The following DCDC1 variants were observed in gnomAD, a reference collection of about 807,000 sequenced individuals.
DCDC1 encodes doublecortin domain-containing protein 1.
Under a neutral mutation model 178.3 loss-of-function variants are expected in DCDC1, and 200 were observed. The ratio of observed to expected loss-of-function variants is 1.12; its 90% CI spans 1.00 to 1.26. The LOEUF (loss-of-function observed/expected upper bound fraction) is 1.26. Among genes scored for constraint, DCDC1 ranks in the 50% most tolerant of loss-of-function variants. DCDC1 has a pLI of 0.00. For synonymous variants in DCDC1, 690 were observed against 604.8 expected (o/e 1.14, Z -2.07); for missense variants, 1,983 against 1,749.2 (o/e 1.13, Z -2.38).
intron 6 of DCDC1, among the ~76,000 whole-genome samples, chr11:31,302,288 T>G (rs554769322): frequency 6.6e-6 from 1 of 152,284 alleles, no homozygotes; most frequent in Non-Finnish European, 1.5e-5. Flanking sequence ...ACTGAACTCT[T>G]ATAAACCCCA....
At chr11:31,327,344 A>G (rs1033275376) in intron 3 of DCDC1, among the ~76,000 whole-genome samples, 1 of 151,356 alleles carries the variant, frequency 6.6e-6, no homozygotes, top group South Asian at 2.1e-4. Flanking sequence ...AATTTTTTGT[A>G]TTTTCAGTAG....
In DCDC1 at chr11:31,203,968, T is replaced by C. The variant is rs531275902; in HGVS notation, c.1221+37482A>G. Among the ~76,000 whole-genome samples the C allele has an allele frequency of 7.2e-4, 109 of 152,338 alleles. 1 individual carries two copies. Among genetic ancestry groups the C allele is most frequent in the Middle Eastern group, 3.4e-3 (1 of 294 alleles). ...CAAGAGCATCTACAAGGACCAATAGTAATATTCAAAAAGTGTGGCCTTCTC... is the reference window on the plus strand; with the variant it reads ...CAAGAGCATCTACAAGGACCAATAGCAATATTCAAAAAGTGTGGCCTTCTC... On this transcript the variant is annotated intron_variant, in intron 9 of 38. Coordinates refer to ENST00000684477, the MANE Select transcript of DCDC1 (RefSeq NM_001387274.1).
At chr11:31,294,739 G>T in intron 6 of DCDC1, among the ~76,000 whole-genome samples, 1 of 116,612 alleles carries the variant, frequency 8.6e-6, no homozygotes, top group Non-Finnish European at 1.7e-5. Context: ...AGGGAGGGAG[G>T]GAGGGAGGAA....
chr11:31,122,792 G>C (rs562740053), intron 11 of DCDC1, among the ~76,000 whole-genome samples: 1 of 152,238 alleles, frequency 6.6e-6, no homozygotes, highest in African/African-American at 2.4e-5. Context: ...TGCTGAATCA[G>C]ATAATGATTT....
At chr11:31,003,043 T>G (rs1356234821) in intron 20 of DCDC1, among the ~76,000 whole-genome samples, 1 of 151,574 alleles carries the variant, frequency 6.6e-6, no homozygotes, top group African/African-American at 2.4e-5. Context: ...ATTTTTGAGT[T>G]TAGTCCTTTT....
At chr11:31,189,990 G>A (rs1467523795) in intron 9 of DCDC1, among the ~76,000 whole-genome samples, 1 of 152,192 alleles carries the variant, frequency 6.6e-6, no homozygotes, top group Admixed American at 6.6e-5. Flanking sequence ...AAGAGCTCTA[G>A]ATGTTGGTCT....
chr11:30,866,703 G>A (rs1941008008), intron 38 of DCDC1, among the ~76,000 whole-genome samples: 1 of 152,052 alleles, frequency 6.6e-6, no homozygotes, highest in African/African-American at 2.4e-5. Flanking sequence ...TCAGAACTGT[G>A]AGACAACACA....
chr11:30,899,234 G>T (rs1310396384), intron 34 of DCDC1, among the ~76,000 whole-genome samples: 2 of 151,980 alleles, frequency 1.3e-5, no homozygotes, highest in African/African-American at 4.8e-5. Flanking sequence ...TCTGTTGAGG[G>T]ATTATTTCAA....
intron 7 of DCDC1, among the ~76,000 whole-genome samples, chr11:31,278,963 T>C (rs1309587602): frequency 1.3e-5 from 2 of 152,182 alleles, no homozygotes; most frequent in South Asian, 2.1e-4. Flanking sequence ...TTTAGAAATA[T>C]CTTGCCAATT....
intron 21 of DCDC1, among the ~76,000 whole-genome samples, chr11:30,935,567 T>A (rs2134346237): frequency 6.6e-6 from 1 of 151,514 alleles, no homozygotes; most frequent in South Asian, 2.1e-4. Flanking sequence ...TTGTTTGGGT[T>A]TTTTTGAGAC....
intron 9 of DCDC1, among the ~76,000 whole-genome samples, chr11:31,182,398 G>A (rs962627543): frequency 6.6e-6 from 1 of 152,148 alleles, no homozygotes; most frequent in African/African-American, 2.4e-5. Flanking sequence ...AACCCTACCA[G>A]GCAGAAGAGA....
intron 20 of DCDC1, among the ~76,000 whole-genome samples, chr11:30,988,619 T>C (rs1242068293): frequency 1.3e-5 from 2 of 152,166 alleles, no homozygotes; most frequent in Non-Finnish European, 2.9e-5. Flanking sequence ...AGCAGGGGCA[T>C]CCAATTTTTT....
intron 25 of DCDC1, 139 bp from the exon 26 acceptor site, chr11:30,917,167 C>T: frequency 1.4e-6 from 1 of 731,080 alleles, no homozygotes; most frequent in Non-Finnish European, 2.0e-6. Context: ...GTGCCTAATA[C>T]TGGAAATTCA....
chr11:31,146,519 G>A (rs1218864978), intron 9 of DCDC1, among the ~76,000 whole-genome samples: 1 of 152,168 alleles, frequency 6.6e-6, no homozygotes, highest in Non-Finnish European at 1.5e-5. Flanking sequence ...TTGGGGGAAG[G>A]GGCCTCTGAT....
At chr11:30,962,936 A>G (rs1949195005) in intron 20 of DCDC1, among the ~76,000 whole-genome samples, 1 of 152,112 alleles carries the variant, frequency 6.6e-6, no homozygotes, top group Non-Finnish European at 1.5e-5. Context: ...TTTGTAAACA[A>G]AAAACCATCC....
At chr11:31,314,412 C>T (rs1948942753) in intron 3 of DCDC1, 1 of 152,166 alleles carries the variant, frequency 6.6e-6, no homozygotes, top group Non-Finnish European at 1.5e-5. Context: ...CAAACTACCA[C>T]AAAATTAGTG....
At chr11:31,086,947 G>A (rs1590996146) in intron 17 of DCDC1, among the ~76,000 whole-genome samples, 1 of 152,100 alleles carries the variant, frequency 6.6e-6, no homozygotes, top group Non-Finnish European at 1.5e-5. Context: ...GGATAAGATT[G>A]TGTAGAATTG....
intron 27 of DCDC1, 34 bp from the exon 28 acceptor site, chr11:30,911,454 A>C: frequency 6.5e-7 from 1 of 1,527,460 alleles, no homozygotes; most frequent in Non-Finnish European, 8.9e-7. Context: ...ATTACAAAGT[A>C]GCATGACCAG....
intron 20 of DCDC1, among the ~76,000 whole-genome samples, chr11:31,006,225 T>C (rs1208107034): frequency 6.6e-6 from 1 of 152,090 alleles, no homozygotes; most frequent in African/African-American, 2.4e-5. Flanking sequence ...ATTAGCTTGA[T>C]GACACCACAC....
Sources: gnomAD v4.1 joint callset for allele counts (sites outside exome capture counted in the v4.1 genomes callset) on GRCh38, gnomAD v4.1.1 for gene constraint, MANE v1.5 for transcripts, NCBI Gene and HGNC (gene_info 2026-07-23, HGNC 2026-07-21) for gene names.